The following CACNB2 variants were observed in gnomAD, a reference collection of about 807,000 sequenced individuals.
The protein encoded by CACNB2 is calcium voltage-gated channel auxiliary subunit beta 2.
CACNB2 carries 42 observed loss-of-function variants against 73.3 expected under a neutral mutation model. That is an observed-to-expected ratio of 0.57 (90% confidence interval 0.45 to 0.74). The LOEUF (loss-of-function observed/expected upper bound fraction) is 0.74, where lower values mean the gene tolerates loss of function less well. Among genes scored for constraint, CACNB2 ranks in the 30% least tolerant of loss-of-function variants. CACNB2 has a pLI of 0.00. For missense variants in CACNB2, 940 were observed against 853.0 expected (o/e 1.10, Z -1.27); for synonymous variants, 348 against 310.3 (o/e 1.12, Z -1.28).
chr10:18,167,320 AG>A (rs1369463608), intron 2 of CACNB2, among the ~76,000 whole-genome samples: 1 of 151,618 alleles, frequency 6.6e-6, no homozygotes, highest in Non-Finnish European at 1.5e-5. Context: ...GTGAGAGGGG[AG>A]GGGAGGGTCG....
At chr10:18,342,903 CTG>C (rs2132081032) in intron 2 of CACNB2, among the ~76,000 whole-genome samples, 1 of 152,122 alleles carries the variant, frequency 6.6e-6, no homozygotes, top group South Asian at 2.1e-4. Context: ...GCTGAATAAA[CTG>C]TGTGGTCTTT....
chr10:18,424,240 A>G (rs1312973252), intron 3 of CACNB2, among the ~76,000 whole-genome samples: 1 of 152,190 alleles, frequency 6.6e-6, no homozygotes, highest in Non-Finnish European at 1.5e-5. Flanking sequence ...AAACAGCTTT[A>G]CTGAAGAAGT....
intron 2 of CACNB2, among the ~76,000 whole-genome samples, chr10:18,285,482 C>A (rs1180138450): frequency 1.3e-5 from 2 of 152,188 alleles, no homozygotes; most frequent in African/African-American, 4.8e-5. Flanking sequence ...TCATGGATGT[C>A]CAGCTAAGAT....
chr10:18,148,025 T>A (rs1466598592), intron 1 of CACNB2, among the ~76,000 whole-genome samples: 2 of 152,124 alleles, frequency 1.3e-5, no homozygotes, highest in Non-Finnish European at 2.9e-5. Context: ...AATGTTTTTT[T>A]GTTTTCTGAT....
At chr10:18,227,329 G>A (rs1021848656) in intron 2 of CACNB2, among the ~76,000 whole-genome samples, 10 of 152,050 alleles carry the variant, frequency 6.6e-5, no homozygotes. Context: ...GCCAGGGGGA[G>A]GATTTGGTGT....
chr10:18,203,096 T>G (rs2034951832), intron 2 of CACNB2, among the ~76,000 whole-genome samples: 1 of 152,214 alleles, frequency 6.6e-6, no homozygotes, highest in Non-Finnish European at 1.5e-5. Context: ...TATTCTGCAG[T>G]ACCTCATGGG....
At chr10:18,274,190 C>G (rs2038178013) in intron 2 of CACNB2, among the ~76,000 whole-genome samples, 1 of 151,100 alleles carries the variant, frequency 6.6e-6, no homozygotes, top group Non-Finnish European at 1.5e-5. Flanking sequence ...ATAAATCAAC[C>G]CGACTACTTA....
chr10:18,281,615 A>G (rs2038549305), intron 2 of CACNB2, among the ~76,000 whole-genome samples: 1 of 152,134 alleles, frequency 6.6e-6, no homozygotes, highest in African/African-American at 2.4e-5. Context: ...TCCAAAAATA[A>G]CAGACCTCTT....
chr10:18,149,139 A>G (rs2031280857), intron 1 of CACNB2, among the ~76,000 whole-genome samples: 1 of 152,188 alleles, frequency 6.6e-6, no homozygotes, highest in Admixed American at 6.5e-5. Flanking sequence ...CCTTAAAAAT[A>G]CTTTCTAGGT....
At chr10:18,292,100 A>C (rs1588958564) in intron 2 of CACNB2, among the ~76,000 whole-genome samples, 1 of 152,268 alleles carries the variant, frequency 6.6e-6, no homozygotes, top group African/African-American at 2.4e-5. Flanking sequence ...CATGTTTTCA[A>C]CTCCAAAACT....
chr10:18,426,811 A>G (rs1053859722), intron 3 of CACNB2, among the ~76,000 whole-genome samples: 25 of 152,216 alleles, frequency 1.6e-4, no homozygotes, highest in Admixed American at 4.6e-4. Flanking sequence ...TCTTAGTGGT[A>G]CTCTTTAAAA....
rs183845323 is a variant in CACNB2, at chr10:18,362,336, T to C, written c.214-39588T>C. Among the ~76,000 whole-genome samples, 25 of 152,372 alleles carry C rather than the reference T, an allele frequency of 1.6e-4. 1 individual carries two copies. The highest frequency in any genetic ancestry group is 5.8e-4 in the African/African-American group (24 of 41,584). On this transcript the variant is annotated intron_variant, in intron 2 of 13. Transcript: ENST00000324631. The stretch of plus-strand genomic sequence containing the variant: ...TCAGTTATAGCTATTAAGGGTTTTC[T>C]AAAGATCCTCTCTTCAAAATGTTTT...
intron 2 of CACNB2, among the ~76,000 whole-genome samples, chr10:18,397,982 C>A (rs1181231440): frequency 2.0e-5 from 3 of 151,894 alleles, no homozygotes; most frequent in African/African-American, 4.8e-5. Context: ...CTGACAAGGA[C>A]AAATACTGCA....
intron 2 of CACNB2, chr10:18,400,464 A>G (rs2043934084): frequency 2.1e-6 from 1 of 480,970 alleles, no homozygotes; most frequent in Non-Finnish European, 2.7e-6. Context: ...GTAAAATGGC[A>G]ATTTGACATA....
At position 18,541,080 on chromosome 10, in the gene CACNB2, G is replaced by A. The variant is rs762435023; in HGVS notation, c.*1356G>A. On this transcript the variant is annotated 3_prime_UTR_variant, in exon 14 of 14. Transcript: ENST00000324631. Reference sequence around the variant, plus strand: ...TTTACACAGCTTGTGGAATTATTTCGTGGGAAAATAAATTTTTATAACTTC... The same window carrying A: ...TTTACACAGCTTGTGGAATTATTTCATGGGAAAATAAATTTTTATAACTTC... 8.5e-5 allele frequency: 13 copies of A among 152,428 alleles called. No individual in the cohort carries two copies. The highest frequency in any genetic ancestry group is 5.8e-4 in the East Asian group (3 of 5,178). The allele number at this position is 152,428 out of a possible 1,614,324, so 9.4% of individuals were successfully genotyped here.
intron 2 of CACNB2, among the ~76,000 whole-genome samples, chr10:18,164,656 A>G (rs2032716674): frequency 6.6e-6 from 1 of 151,988 alleles, no homozygotes; most frequent in Non-Finnish European, 1.5e-5. Flanking sequence ...AAACTGTATA[A>G]TAATGATGGT....
intron 2 of CACNB2, chr10:18,256,879 G>A (rs1247950542): frequency 1.3e-5 from 2 of 152,240 alleles, no homozygotes; most frequent in African/African-American, 4.8e-5. Flanking sequence ...CTAGGAGGTT[G>A]AGGCTATAGT....
chr10:18,478,933 C>T (rs980460305), intron 3 of CACNB2, among the ~76,000 whole-genome samples: 2 of 152,074 alleles, frequency 1.3e-5, no homozygotes, highest in African/African-American at 4.8e-5. Flanking sequence ...TTCTTCATTT[C>T]AGCAGGCCAA....
At position 18,168,860 on chromosome 10, in the gene CACNB2, G is replaced by C. The variant is rs537404149; in HGVS notation, c.213+17885G>C. Among the ~76,000 whole-genome samples, 3 of 152,278 alleles carry C rather than the reference G, an allele frequency of 2.0e-5. No individual in the cohort carries two copies. The East Asian group carries it at 5.8e-4, about 29-fold the overall frequency. ...GAATGATTTTTAACTGTGGTTCCTT[G>C]ACATAGGCCAATGATGTTGATTTGA... is the stretch of plus-strand genomic sequence containing the variant. On this transcript the variant is annotated intron_variant, in intron 2 of 13. Coordinates refer to ENST00000324631, the MANE Select transcript of CACNB2 (RefSeq NM_201596.3).
Sources: gnomAD v4.1 joint callset for allele counts (sites outside exome capture counted in the v4.1 genomes callset) on GRCh38, gnomAD v4.1.1 for gene constraint, MANE v1.5 for transcripts, NCBI Gene and HGNC (gene_info 2026-07-23, HGNC 2026-07-21) for gene names.